Variants in TMEM17 observed in about 807,000 individuals in gnomAD.
TMEM17 encodes the protein transmembrane protein 17.
TMEM17 carries 15 observed loss-of-function variants against 19.1 expected under a neutral mutation model. That is an observed-to-expected ratio of 0.78 (90% CI 0.52 to 1.21). The LOEUF (loss-of-function observed/expected upper bound fraction) is 1.21. Among genes scored for constraint, TMEM17 ranks in the 50% most tolerant of loss-of-function variants. The pLI is 0.00. For synonymous variants in TMEM17, 103 were observed against 86.9 expected, an observed-to-expected ratio of 1.19 and a Z score of -1.03; for missense variants, 245 against 242.3, an observed-to-expected ratio of 1.01 and a Z score of -0.07.
chr2:62,492,316 G>T, the TMEM17 span, among the ~76,000 whole-genome samples: 2 of 152,162 alleles, frequency 1.3e-5, no homozygotes, highest in African/African-American at 4.8e-5. Flanking sequence ...TGTAAAATGG[G>T]AATAAGATCT....
chr2:62,475,257 G>GGGA, the TMEM17 span, among the ~76,000 whole-genome samples: 1 of 152,228 alleles, frequency 6.6e-6, no homozygotes, highest in South Asian at 2.1e-4. Context: ...ATGCTAATTT[G>GGGA]GGAAGCAGCC....
chr2:62,453,630 T>A, the TMEM17 span, among the ~76,000 whole-genome samples: 792 of 152,326 alleles, frequency 5.2e-3, 6 homozygotes, highest in African/African-American at 0.018. Flanking sequence ...ATGTGTAGTT[T>A]AAAAAAATAA....
chr2:62,502,606 A>T, intron 2 of TMEM17, 56 bp from the exon 3 acceptor site: 1 of 1,369,066 alleles, frequency 7.3e-7, no homozygotes, highest in Non-Finnish European at 9.7e-7. Context: ...ACATTGATTT[A>T]AGATAGAAAA....
the TMEM17 span, among the ~76,000 whole-genome samples, chr2:62,478,986 G>A: frequency 6.6e-6 from 1 of 152,158 alleles, no homozygotes; most frequent in East Asian, 1.9e-4. Context: ...GGGGTACATA[G>A]TGATGTTTTG....
At chr2:62,480,928 AT>A in the TMEM17 span, among the ~76,000 whole-genome samples, 2 of 151,324 alleles carry the variant, frequency 1.3e-5, no homozygotes, top group Non-Finnish European at 1.5e-5. Context: ...AAATTGTAAG[AT>A]TTTTTTTTCC....
chr2:62,486,746 G>A, the TMEM17 span, among the ~76,000 whole-genome samples: 5 of 152,140 alleles, frequency 3.3e-5, no homozygotes, highest in Non-Finnish European at 5.9e-5. Flanking sequence ...TAACAGTGGT[G>A]GTGTTCCCAT....
chr2:62,492,252 C>T, the TMEM17 span, among the ~76,000 whole-genome samples: 1 of 152,232 alleles, frequency 6.6e-6, no homozygotes, highest in Non-Finnish European at 1.5e-5. Context: ...TGTTTACTTG[C>T]TGTGTGACCC....
At chr2:62,466,245 G>C in the TMEM17 span, among the ~76,000 whole-genome samples, 5 of 152,124 alleles carry the variant, frequency 3.3e-5, no homozygotes, top group African/African-American at 1.2e-4. Context: ...GGTAGTGGTG[G>C]GGGAGGGGTT....
At chr2:62,487,494 T>C in the TMEM17 span, among the ~76,000 whole-genome samples, 1 of 152,194 alleles carries the variant, frequency 6.6e-6, no homozygotes, top group Non-Finnish European at 1.5e-5. Flanking sequence ...GATGTAGACA[T>C]CTCTAGGGGA....
the TMEM17 span, among the ~76,000 whole-genome samples, chr2:62,471,355 G>C: frequency 6.6e-6 from 1 of 152,116 alleles, no homozygotes; most frequent in Non-Finnish European, 1.5e-5. Context: ...TAACTCGTCT[G>C]TAAGTTGGGG....
At chr2:62,467,887 T>C in the TMEM17 span, among the ~76,000 whole-genome samples, 1 of 150,826 alleles carries the variant, frequency 6.6e-6, no homozygotes, top group African/African-American at 2.4e-5. Flanking sequence ...TCTCTCCTTT[T>C]TTTTTTTTTT....
chr2:62,491,682 C>T, the TMEM17 span, among the ~76,000 whole-genome samples: 100,818 of 151,970 alleles, frequency 0.66, 33,830 homozygotes, highest in African/African-American at 0.77. Flanking sequence ...ATAAAGTTAA[C>T]ATAATATACA....
the TMEM17 span, among the ~76,000 whole-genome samples, chr2:62,493,444 TACA>T: frequency 4.6e-5 from 7 of 152,220 alleles, no homozygotes; most frequent in Non-Finnish European, 8.8e-5. Flanking sequence ...GAGACATTAC[TACA>T]ACAAGAAAGC....
the TMEM17 span, among the ~76,000 whole-genome samples, chr2:62,486,058 C>T: frequency 9.2e-5 from 14 of 152,100 alleles, no homozygotes; most frequent in Non-Finnish European, 1.9e-4. Context: ...CTGAAATGTG[C>T]CCTTGTTTGC....
At chr2:62,493,852 C>T in the TMEM17 span, among the ~76,000 whole-genome samples, 3 of 152,174 alleles carry the variant, frequency 2.0e-5, no homozygotes, top group Non-Finnish European at 2.9e-5. Context: ...ACTTCCGACG[C>T]CAGTCTTTTC....
chr2:62,482,630 A>G, the TMEM17 span, among the ~76,000 whole-genome samples: 1 of 152,170 alleles, frequency 6.6e-6, no homozygotes, highest in Non-Finnish European at 1.5e-5. Flanking sequence ...GGCTGGGTCA[A>G]ACAGAAACTT....
At chr2:62,489,112 A>G in the TMEM17 span, among the ~76,000 whole-genome samples, 1 of 152,220 alleles carries the variant, frequency 6.6e-6, no homozygotes, top group South Asian at 2.1e-4. Context: ...GAAAGCAATT[A>G]TAATAAAATA....
At chr2:62,480,100 A>T in the TMEM17 span, among the ~76,000 whole-genome samples, 2 of 151,908 alleles carry the variant, frequency 1.3e-5, no homozygotes, top group East Asian at 3.9e-4. Context: ...GATAATAGCC[A>T]CTCTAACCGG....
downstream of TMEM17, among the ~76,000 whole-genome samples, chr2:62,495,430 A>C (rs1043216192): frequency 6.6e-6 from 1 of 152,214 alleles, no homozygotes; most frequent in Non-Finnish European, 1.5e-5. Context: ...ACTGGGGAAA[A>C]AAGATTTTTA....
Sources: allele counts gnomAD v4.1 joint callset (sites outside exome capture counted in the v4.1 genomes callset), GRCh38; gene constraint gnomAD v4.1.1; transcripts MANE v1.5; gene names NCBI Gene and HGNC (gene_info 2026-07-23, HGNC 2026-07-21).